MYLK: variants seen among roughly 807,000 people sequenced by gnomAD.
MYLK encodes myosin light chain kinase.
MYLK carries 106 observed loss-of-function variants against 203.4 expected under a neutral mutation model. The ratio of observed to expected loss-of-function variants is 0.52; its 90% CI spans 0.45 to 0.61. The LOEUF is 0.61. Among genes scored for constraint, MYLK ranks in the 20% least tolerant of loss-of-function variants. The pLI, the probability that MYLK is intolerant of heterozygous loss-of-function variation, is 0.00. For missense variants in MYLK, 2,072 were observed against 2,442.3 expected, an observed-to-expected ratio of 0.85 and a Z score of 3.20; for synonymous variants, 867 against 959.5, an observed-to-expected ratio of 0.90 and a Z score of 1.78.
chr3:123,654,260 A>T (rs991783383), intron 24 of MYLK, among the ~76,000 whole-genome samples: 1 of 152,174 alleles, frequency 6.6e-6, no homozygotes, highest in Admixed American at 6.5e-5. Context: ...TATGTTTCCC[A>T]TTGGTACCCT....
At chr3:123,633,172 CTGGAATACAG>C (rs1247205366) in intron 29 of MYLK, among the ~76,000 whole-genome samples, 1 of 152,020 alleles carries the variant, frequency 6.6e-6, no homozygotes, top group Non-Finnish European at 1.5e-5. Context: ...GTCACCCAGG[CTGGAATACAG>C]TGGCGTGATC....
chr3:123,641,487 A>G lies in MYLK; in HGVS notation c.4620-983T>C, dbSNP rs539802401. ...AAGGAGTTCAAAGTTATGTTGAGCT[A>G]TGATCACACAACTGCACTCAAGCCT... On this transcript the variant is annotated intron_variant, in intron 27 of 33. Transcript: ENST00000360304. Among the ~76,000 whole-genome samples, 48 of 150,978 alleles carry G rather than the reference A, an allele frequency of 3.2e-4. No homozygotes were observed. In the Middle Eastern group the frequency reaches 0.01, roughly 32 times the overall value.
At chr3:123,835,473 G>C (rs1048997579) in intron 2 of MYLK, among the ~76,000 whole-genome samples, 1 of 152,130 alleles carries the variant, frequency 6.6e-6, no homozygotes, top group African/African-American at 2.4e-5. Context: ...TGAGAAATAA[G>C]GACAAAGAGT....
In MYLK at chr3:123,640,381, G is replaced by C; in HGVS notation, c.4743C>G (p.Ile1581Met). 6.2e-7 allele frequency: 1 copy of C among 1,613,916 alleles called. No individual in the cohort carries two copies. Among genetic ancestry groups the C allele is most frequent in the Non-Finnish European group, 8.5e-7 (1 of 1,179,992 alleles). Reference protein sequence around the residue: ...EGVEYIHKQGIVHLDLKPENI... With the variant: ...EGVEYIHKQGMVHLDLKPENI... ...TCTCCGGCTTGAGGTCCAGGTGCACGATGCCCTGCTTGTGGATGTACTCCA... is the reference window on the plus strand; with the variant it reads ...TCTCCGGCTTGAGGTCCAGGTGCACCATGCCCTGCTTGTGGATGTACTCCA... The change falls in exon 28 of 34, where the codon ATC (isoleucine) becomes ATG (methionine). Residue 1581 changes from isoleucine to methionine, a missense_variant. Transcript: ENST00000360304. The surrounding 1 kb of genome is among the most constrained non-coding windows in gnomAD (Gnocchi z 4.3).
At chr3:123,664,309 G>C in intron 22 of MYLK, 51 bp from the exon 23 acceptor site, 1 of 1,612,730 alleles carries the variant, frequency 6.2e-7, no homozygotes, top group Non-Finnish European at 8.5e-7. Context: ...CCTGGGCTAG[G>C]AAAGGAAGGG....
Position 123,635,700 on chromosome 3 carries a change from G to T in MYLK, c.4961+2371C>A, listed in dbSNP as rs561682696. On this transcript the variant is annotated intron_variant, in intron 29 of 33. Transcript: ENST00000360304. The stretch of plus-strand genomic sequence containing the variant: ...AATTACTATGTTCCTCCACCGAAAA[G>T]AACTCTCATTTGACAATAAAGTGCC... 4.6e-5 allele frequency among the ~76,000 whole-genome samples: 7 copies of T among 152,210 alleles called. 1 individual carries two copies. In the East Asian group the frequency reaches 1.4e-3, roughly 29 times the overall value.
intron 31 of MYLK, among the ~76,000 whole-genome samples, chr3:123,625,761 C>T (rs1306064778): frequency 1.3e-5 from 2 of 148,316 alleles, no homozygotes; most frequent in African/African-American, 2.5e-5. Context: ...GAGCCGAGAT[C>T]GTGCCACTGT....
intron 11 of MYLK, among the ~76,000 whole-genome samples, chr3:123,729,869 G>A (rs2062415731): frequency 1.3e-5 from 2 of 148,674 alleles, no homozygotes; most frequent in Admixed American, 1.3e-4. Context: ...GCAACAGAGT[G>A]AGACCCTGTT....
chr3:123,682,914 G>A (rs539407496), intron 19 of MYLK, among the ~76,000 whole-genome samples: 1 of 152,174 alleles, frequency 6.6e-6, no homozygotes, highest in South Asian at 2.1e-4. Context: ...AACAGGCCCA[G>A]TGAAGCTGGG....
intron 3 of MYLK, chr3:123,814,310 T>C: frequency 6.2e-6 from 1 of 161,168 alleles, no homozygotes; most frequent in South Asian, 1.6e-4. Context: ...AACCTGTTAT[T>C]TCACACTCCG....
chr3:123,837,223 G>A (rs1293396063), intron 2 of MYLK, among the ~76,000 whole-genome samples: 4 of 151,848 alleles, frequency 2.6e-5, no homozygotes, highest in Non-Finnish European at 5.9e-5. Flanking sequence ...GTAGACACAG[G>A]GTTTTACCAT....
intron 33 of MYLK, among the ~76,000 whole-genome samples, chr3:123,615,122 AACAG>A (rs1384282900): frequency 6.6e-6 from 1 of 150,862 alleles, no homozygotes; most frequent in Non-Finnish European, 1.5e-5. Context: ...CCCATCTTTA[AACAG>A]ACATAGAGTA....
chr3:123,740,453 T>C (rs954060788), intron 5 of MYLK, among the ~76,000 whole-genome samples: 6 of 152,242 alleles, frequency 3.9e-5, no homozygotes, highest in African/African-American at 7.2e-5. Context: ...GAAAGGCCCA[T>C]GCCTATCTCT....
At position 123,722,248 on chromosome 3, in the gene MYLK, C is replaced by T. The variant is rs765972446; in HGVS notation, c.1684G>A (p.Glu562Lys). ...ATGTGGAGCTCAGCCACGCCGGCCT[C>T]GCAGGTGGAGCGAGCGTACTGGATG... Reference protein sequence around the residue: ...QPIQYARSTCEAGVAELHIQD... With the variant: ...QPIQYARSTCKAGVAELHIQD... Residue 562 changes from glutamate to lysine, a missense_variant, in exon 13 of 34, where the codon GAG becomes AAG. Physicochemically the swap from Glu to Lys is moderately conservative, Grantham distance 56 (BLOSUM62 1). Coordinates refer to ENST00000360304, the MANE Select transcript of MYLK (RefSeq NM_053025.4). 8.3e-6 allele frequency: 13 copies of T among 1,568,200 alleles called. No individual in the cohort carries two copies. The highest frequency in any genetic ancestry group is 3.3e-4 in the Middle Eastern group (2 of 6,030).
At chr3:123,831,345 G>A in intron 3 of MYLK, 1 of 1,283,664 alleles carries the variant, frequency 7.8e-7, no homozygotes, top group Non-Finnish European at 1.0e-6. Flanking sequence ...ATTCTGACCA[G>A]CTAAGCCAAA....
chr3:123,881,709 T>C (rs1190346960), intron 1 of MYLK, among the ~76,000 whole-genome samples: 1 of 152,066 alleles, frequency 6.6e-6, no homozygotes. Context: ...AACTCTAGGC[T>C]CATCTTATAT....
intron 3 of MYLK, among the ~76,000 whole-genome samples, chr3:123,809,528 A>C (rs1178704697): frequency 2.0e-5 from 3 of 152,160 alleles, no homozygotes; most frequent in Non-Finnish European, 2.9e-5. Flanking sequence ...CTTCGTCTAA[A>C]AAACAAAAAC....
At chr3:123,847,324 T>C (rs1365717123) in intron 2 of MYLK, among the ~76,000 whole-genome samples, 2 of 152,088 alleles carry the variant, frequency 1.3e-5, no homozygotes, top group East Asian at 3.9e-4. Context: ...GATGACTGTA[T>C]CTTCCACTTA....
chr3:123,752,814 G>A (rs544795896), intron 4 of MYLK, among the ~76,000 whole-genome samples: 1 of 152,044 alleles, frequency 6.6e-6, no homozygotes, highest in African/African-American at 2.4e-5. Flanking sequence ...TCATCCAGGG[G>A]AGCTTTAAAA....
Sources: gnomAD v4.1 joint callset for allele counts (sites outside exome capture counted in the v4.1 genomes callset) on GRCh38, gnomAD v4.1.1 for gene constraint, Gnocchi (gnomAD v3.1) non-coding constraint, MANE v1.5 for transcripts, NCBI Gene and HGNC (gene_info 2026-07-23, HGNC 2026-07-21) for gene names.